Variants in MYRFL observed in about 807,000 individuals in gnomAD.
MYRFL encodes the protein myelin regulatory factor-like protein.
Under a neutral mutation model 109.4 loss-of-function variants are expected in MYRFL, and 88 were observed. The observed-to-expected ratio is 0.80, with a 90% CI of 0.68 to 0.96. MYRFL has a LOEUF of 0.96. Ranked by LOEUF, MYRFL falls within the 40% of genes least tolerant of loss-of-function variation. The pLI, the probability that MYRFL is intolerant of heterozygous loss-of-function variation, is 0.00. For missense variants in MYRFL, 957 were observed against 954.9 expected, an observed-to-expected ratio of 1.00 and a Z score of -0.03; for synonymous variants, 324 against 320.9, an observed-to-expected ratio of 1.01 and a Z score of -0.10.
At chr12:69,934,268 T>C (rs923113795) in intron 16 of MYRFL, among the ~76,000 whole-genome samples, 6 of 152,200 alleles carry the variant, frequency 3.9e-5, no homozygotes, top group African/African-American at 1.4e-4. Flanking sequence ...CAGGGTTTGG[T>C]CGGCCACTCC....
At chr12:69,921,533 G>C (rs1954912737) in intron 13 of MYRFL, among the ~76,000 whole-genome samples, 1 of 152,068 alleles carries the variant, frequency 6.6e-6, no homozygotes, top group Non-Finnish European at 1.5e-5. Flanking sequence ...TGTAACAATG[G>C]GGGACAGAAG....
chr12:69,929,744 A>C (rs911902072), intron 15 of MYRFL, among the ~76,000 whole-genome samples: 15 of 152,194 alleles, frequency 9.9e-5, no homozygotes, highest in Non-Finnish European at 7.3e-5. Flanking sequence ...GTGGGGTTCA[A>C]ATTCCTGGCT....
intron 6 of MYRFL, among the ~76,000 whole-genome samples, chr12:69,889,459 T>C (rs572441854): frequency 2.3e-4 from 35 of 152,312 alleles, no homozygotes; most frequent in Admixed American, 8.5e-4. Flanking sequence ...TTGGGAACTT[T>C]TTTGGATTTT....
intron 10 of MYRFL, among the ~76,000 whole-genome samples, chr12:69,900,522 A>G (rs1315361860): frequency 6.6e-6 from 1 of 152,162 alleles, no homozygotes. Context: ...GAGAATATGC[A>G]TTTCTAACAG....
intron 1 of MYRFL, among the ~76,000 whole-genome samples, chr12:69,831,445 T>C (rs1236614610): frequency 6.6e-6 from 1 of 152,174 alleles, no homozygotes; most frequent in Admixed American, 6.6e-5. Context: ...AAGCACTTAC[T>C]ATGTGCTGAG....
rs190317264 is a variant in MYRFL at position 69,938,520 on chromosome 12, C to T, written c.2224+1888C>T. ...TTCAGTCAACAATGGACCATATATA[C>T]ACTAGTGGCCCCATAAGATAATAAT... is the stretch of plus-strand genomic sequence containing the variant. On this transcript the variant is annotated intron_variant, in intron 19 of 24. Coordinates refer to ENST00000552032, the MANE Select transcript of MYRFL (RefSeq NM_182530.3). Among the ~76,000 whole-genome samples, 17 of 152,254 alleles carry T rather than the reference C, an allele frequency of 1.1e-4. No homozygotes were observed. In the East Asian group the frequency reaches 2.1e-3, roughly 19 times the overall value.
intron 5 of MYRFL, among the ~76,000 whole-genome samples, chr12:69,881,938 G>A (rs1246891119): frequency 6.6e-6 from 1 of 152,074 alleles, no homozygotes; most frequent in African/African-American, 2.4e-5. Flanking sequence ...CCAGACGGGG[G>A]AACCATCTGT....
At position 69,936,597 on chromosome 12, in the gene MYRFL, C is replaced by T. The variant is rs763580394; in HGVS notation, c.2189C>T (p.Ser730Phe). ...EVSSSPVQRQSEEKEFHQRRW... is the reference protein window; with the variant it reads ...EVSSSPVQRQFEEKEFHQRRW... ...TCTTCAAGTCCTGTGCAAAGACAAT[C>T]TGAGGAGAAGGAATTCCATCAGAGG... The change falls in exon 19 of 25, where the codon TCT (serine) becomes TTT (phenylalanine). Residue 730 changes from serine (S) to phenylalanine (F), a missense_variant. Coordinates refer to ENST00000552032, the MANE Select transcript of MYRFL (RefSeq NM_182530.3). The T allele has an allele frequency of 3.5e-5, 54 of 1,533,580 alleles. No individual in the cohort carries two copies. The highest frequency in any genetic ancestry group is 4.3e-5 in the Non-Finnish European group (49 of 1,145,220). The allele number at this position is 1,533,580 out of a possible 1,614,324, so 95.0% of individuals were successfully genotyped here.
intron 16 of MYRFL, among the ~76,000 whole-genome samples, chr12:69,935,100 T>C (rs2120478312): frequency 6.6e-6 from 1 of 152,268 alleles, no homozygotes; most frequent in East Asian, 1.9e-4. Context: ...CATCATCACT[T>C]TTCCCAGGCA....
intron 2 of MYRFL, among the ~76,000 whole-genome samples, chr12:69,866,294 A>T (rs979512383): frequency 1.4e-4 from 21 of 152,112 alleles, no homozygotes; most frequent in African/African-American, 3.9e-4. Context: ...ATACTTGATT[A>T]AAAAAATGCT....
chr12:69,888,581 A>G (rs1207747906), intron 6 of MYRFL, among the ~76,000 whole-genome samples: 3 of 152,210 alleles, frequency 2.0e-5, no homozygotes, highest in South Asian at 4.1e-4. Context: ...TTCTATAATC[A>G]GAGATTGGTG....
At chr12:69,838,684 C>G (rs1883084565) in intron 1 of MYRFL, among the ~76,000 whole-genome samples, 1 of 151,994 alleles carries the variant, frequency 6.6e-6, no homozygotes, top group South Asian at 2.1e-4. Context: ...AAGTTTAATC[C>G]TCACATTGTA....
intron 2 of MYRFL, among the ~76,000 whole-genome samples, chr12:69,872,635 G>A (rs538132616): frequency 2.0e-5 from 3 of 152,100 alleles, no homozygotes; most frequent in African/African-American, 7.2e-5. Context: ...TGAGTAGCTG[G>A]GATTACAGGT....
At chr12:69,895,257 T>C in intron 8 of MYRFL, 114 bp from the exon 9 acceptor site, 2 of 722,226 alleles carry the variant, frequency 2.8e-6, no homozygotes, top group Non-Finnish European at 4.5e-6. Context: ...TCTCTCAGTG[T>C]GGTGAGAACT....
At chr12:69,853,222 A>C (rs1445964321) in intron 1 of MYRFL, among the ~76,000 whole-genome samples, 2 of 141,660 alleles carry the variant, frequency 1.4e-5, no homozygotes, top group African/African-American at 5.4e-5. Context: ...GCTGCCCCCT[A>C]CCTCCCTCCC....
chr12:69,827,343 GT>G (rs961903754), intron 1 of MYRFL, among the ~76,000 whole-genome samples: 16 of 147,358 alleles, frequency 1.1e-4, no homozygotes, highest in South Asian at 2.1e-4. Flanking sequence ...GATGATCTTA[GT>G]TTTTTTTTTT....
chr12:69,839,446 CAT>C (rs1883124864), intron 1 of MYRFL, among the ~76,000 whole-genome samples: 2 of 152,298 alleles, frequency 1.3e-5, no homozygotes, highest in Non-Finnish European at 2.9e-5. Flanking sequence ...TTGTATTAGA[CAT>C]GTCATTGTTT....
chr12:69,939,961 G>A (rs1034212054), intron 19 of MYRFL, among the ~76,000 whole-genome samples: 4 of 152,092 alleles, frequency 2.6e-5, no homozygotes, highest in African/African-American at 9.7e-5. Flanking sequence ...AGATGAAATG[G>A]ATGAAATGAA....
intron 1 of MYRFL, among the ~76,000 whole-genome samples, chr12:69,845,404 C>G: frequency 6.6e-6 from 1 of 152,188 alleles, no homozygotes; most frequent in East Asian, 1.9e-4. Flanking sequence ...CAAAGTCTAA[C>G]TGAAGACTCA....
Sources: allele counts gnomAD v4.1 joint callset (sites outside exome capture counted in the v4.1 genomes callset), GRCh38; gene constraint gnomAD v4.1.1; transcripts MANE v1.5; gene names NCBI Gene and HGNC (gene_info 2026-07-23, HGNC 2026-07-21).